Variants in PPL observed in about 807,000 individuals in gnomAD.
PPL encodes the protein periplakin.
In PPL, 198 loss-of-function variants were observed where a neutral mutation model predicts 194.4. That is an observed-to-expected ratio of 1.02 (90% CI 0.91 to 1.15). The LOEUF is 1.15. Ranked by LOEUF, PPL falls within the 50% of genes most tolerant of loss-of-function variation. PPL has a pLI of 0.00. For synonymous variants in PPL, 1,220 were observed against 972.4 expected, an observed-to-expected ratio of 1.25 and a Z score of -4.74; for missense variants, 2,885 against 2,294.8, an observed-to-expected ratio of 1.26 and a Z score of -5.25.
At chr16:4,922,495 C>G (rs956827071) in intron 1 of PPL, among the ~76,000 whole-genome samples, 1 of 152,114 alleles carries the variant, frequency 6.6e-6, no homozygotes, top group African/African-American at 2.4e-5. Flanking sequence ...AACCCTGTCT[C>G]TACTAAAAAT....
rs560290210 is a variant in PPL at position 4,936,961 on chromosome 16, C to A, written c.62+23G>T. 3.2e-6 allele frequency: 5 copies of A among 1,581,446 alleles called. No homozygotes were observed. In the Admixed American group the frequency reaches 8.7e-5, roughly 28 times the overall value. Reference sequence around the variant, plus strand: ...CCACAGGGGCAAGAGCGTCCCGGAGCGGAGCTGTGGGCGCCTCCTCACCTC... The same window carrying A: ...CCACAGGGGCAAGAGCGTCCCGGAGAGGAGCTGTGGGCGCCTCCTCACCTC... On this transcript the variant is annotated intron_variant, in intron 1 of 21. Transcript: ENST00000345988.
At chr16:4,887,068 A>T in intron 21 of PPL, 67 bp downstream of exon 21, 5 of 1,305,752 alleles carry the variant, frequency 3.8e-6, no homozygotes, top group Non-Finnish European at 5.5e-6. Flanking sequence ...CATTTCTCTA[A>T]GACAGAGTCT....
chr16:4,926,902 A>AAAAC (rs2089165719), intron 1 of PPL, among the ~76,000 whole-genome samples: 2 of 139,374 alleles, frequency 1.4e-5, no homozygotes, highest in African/African-American at 2.5e-5. Flanking sequence ...ACAAAAAAAA[A>AAAAC]CCAAAAACAA....
Position 4,916,544 on chromosome 16 carries a change from TG to T in PPL, c.63-5596del, listed in dbSNP as rs561293459. Among the ~76,000 whole-genome samples the T allele has an allele frequency of 1.8e-3, 275 of 152,212 alleles. 1 individual carries two copies. Among genetic ancestry groups the T allele is most frequent in the Non-Finnish European group, 2.5e-3 (173 of 67,986 alleles). ...TTTTTGAGACAGGGTCTCACTCTGT[TG>T]CCCAGGCTGGACTGCAGTGGTGCAA... On this transcript the variant is annotated intron_variant, in intron 1 of 21. Transcript: ENST00000345988.
In PPL at chr16:4,897,759, C is replaced by A; in HGVS notation, c.888G>T (p.Glu296Asp). 1 of 1,613,628 alleles carries A rather than the reference C, an allele frequency of 6.2e-7. No individual in the cohort carries two copies. The change falls in exon 9 of 22, where the codon GAG (glutamate) becomes GAT (aspartate). Residue 296 changes from glutamate (E) to aspartate (D), a missense_variant. Coordinates refer to ENST00000345988, the MANE Select transcript of PPL (RefSeq NM_002705.5). ...PGRNSIEAHM[E>D]AVHADWKEYL... ...ACTCCTTCCAGTCTGCGTGCACAGC[C>A]TCCATGTGCGCCTGCCAGGAAGAGA...
rs1425812249 is a variant in PPL, at chr16:4,902,540, G to A, written c.318-14C>T. 1.9e-6 allele frequency: 3 copies of A among 1,611,020 alleles called. No homozygotes were observed. Among genetic ancestry groups the A allele is most frequent in the African/African-American group, 1.3e-5 (1 of 74,884 alleles). On this transcript the variant is annotated splice_polypyrimidine_tract_variant and intron_variant, in intron 3 of 21. Coordinates refer to ENST00000345988, the MANE Select transcript of PPL (RefSeq NM_002705.5). The surrounding 1 kb of genome is among the most constrained non-coding windows in gnomAD (Gnocchi z 4.0). ...AGCTGGCGGATACTGATGGGAGAGA[G>A]GCTCCCACTTAGTGGGGCTGGTTGG...
chr16:4,905,914 G>C (rs2088672492), intron 2 of PPL, among the ~76,000 whole-genome samples: 1 of 152,160 alleles, frequency 6.6e-6, no homozygotes, highest in Non-Finnish European at 1.5e-5. Context: ...AGACCAGCCT[G>C]GGCAATATAG....
chr16:4,889,158 T>C, intron 18 of PPL, 97 bp from the exon 19 acceptor site: 1 of 973,316 alleles, frequency 1.0e-6, no homozygotes, highest in Non-Finnish European at 1.6e-6. Context: ...TCTGAATTTA[T>C]TCTTCTCTAG....
chr16:4,918,716 A>G (rs2088976825), intron 1 of PPL, among the ~76,000 whole-genome samples: 1 of 152,204 alleles, frequency 6.6e-6, no homozygotes, highest in African/African-American at 2.4e-5. Flanking sequence ...GCACAGTCTC[A>G]GCGTTTTTGC....
At chr16:4,912,135 C>T (rs1288568172) in intron 1 of PPL, among the ~76,000 whole-genome samples, 2 of 152,204 alleles carry the variant, frequency 1.3e-5, no homozygotes, top group Non-Finnish European at 2.9e-5. Context: ...CAGAATCGTG[C>T]AACCATCACC....
chr16:4,893,537 C>A lies in PPL; in HGVS notation c.1492+4G>T. ...AGCCTCAGGCGAGTGGCCCTGGCAC[C>A]CACCTCCGGGATTCTCGGTCTTCAG... On this transcript the variant is annotated splice_donor_region_variant and intron_variant, in intron 13 of 21. Transcript: ENST00000345988. The A allele has an allele frequency of 6.2e-7, 1 of 1,612,182 alleles. No homozygotes were observed. Among genetic ancestry groups the A allele is most frequent in the Non-Finnish European group, 8.5e-7 (1 of 1,179,616 alleles).
intron 2 of PPL, among the ~76,000 whole-genome samples, chr16:4,908,732 G>A (rs2088756626): frequency 1.3e-5 from 2 of 152,114 alleles, no homozygotes; most frequent in Non-Finnish European, 2.9e-5. Context: ...GTAGAGACGA[G>A]GTTTCACCAT....
At position 4,890,332 on chromosome 16, in the gene PPL, G is replaced by T. The variant is rs371962397; in HGVS notation, c.2165C>A (p.Ala722Glu). ...NNLRQQVERR[A>E]QSLQSAKAAY... ...TGCCTTGGCGCTCTGTAGGCTCTGC[G>T]CCCTGTCAAGGCAAAGCGTTCAGGC... Residue 722 changes from alanine (A) to glutamate (E), a missense_variant and splice_region_variant, in exon 18 of 22, where the codon GCG (alanine) becomes GAG (glutamate). Coordinates refer to ENST00000345988, the MANE Select transcript of PPL (RefSeq NM_002705.5). 6.2e-7 allele frequency: 1 copy of T among 1,611,238 alleles called. No individual in the cohort carries two copies. Among genetic ancestry groups the T allele is most frequent in the South Asian group, 1.1e-5 (1 of 90,862 alleles).
rs936159230 is a variant in PPL, at chr16:4,920,200, C to T, written c.63-9251G>A. On this transcript the variant is annotated intron_variant, in intron 1 of 21. Coordinates refer to ENST00000345988, the MANE Select transcript of PPL (RefSeq NM_002705.5). The stretch of plus-strand genomic sequence containing the variant: ...TTGGGAGGCCGAGGCCGGGGAATTG[C>T]TTGAACCTGGGAGGTGGAGGTTGCA... 7.9e-5 allele frequency among the ~76,000 whole-genome samples: 12 copies of T among 151,622 alleles called. No homozygotes were observed. The East Asian group carries it at 2.1e-3, about 27-fold the overall frequency.
intron 1 of PPL, among the ~76,000 whole-genome samples, chr16:4,936,718 C>T (rs544626310): frequency 4.6e-5 from 7 of 152,160 alleles, no homozygotes; most frequent in Non-Finnish European, 8.8e-5. Flanking sequence ...GCCCTAGGCC[C>T]TCAAGGCAAT....
chr16:4,926,058 G>T (rs916627893), intron 1 of PPL, among the ~76,000 whole-genome samples: 3 of 152,184 alleles, frequency 2.0e-5, no homozygotes, highest in African/African-American at 7.2e-5. Context: ...CTTTCAGGCG[G>T]AAGCAACTGC....
chr16:4,920,345 G>GAGAGAAAGAAAGAAAGAAAGAA (rs1427456398), intron 1 of PPL, among the ~76,000 whole-genome samples: 344 of 25,116 alleles, frequency 0.014, 17 homozygotes, highest in Middle Eastern at 0.033. Context: ...GAGAGAGAGA[G>GAGAGAAAGAAAGAAAGAAAGAA]AGAAAGAAAG....
rs1389387482 is a variant in PPL at position 4,901,004 on chromosome 16, A to C, written c.524T>G (p.Val175Gly). Reference sequence around the variant, plus strand: ...GGCCAGGTGGGGCCCGATGGCCTTGACCTCATTGTGGAAGATGTTATGCTC... The same window carrying C: ...GGCCAGGTGGGGCCCGATGGCCTTGCCCTCATTGTGGAAGATGTTATGCTC... ...VEEHNIFHNE[V>G]KAIGPHLAKD... Residue 175 changes from valine (V) to glycine (G), a missense_variant, in exon 5 of 22, where the codon GTC becomes GGC. By Grantham distance (109) the Val-to-Gly change is moderately radical. Coordinates refer to ENST00000345988, the MANE Select transcript of PPL (RefSeq NM_002705.5). The C allele has an allele frequency of 6.2e-7, 1 of 1,614,034 alleles. No individual in the cohort carries two copies. The highest frequency in any genetic ancestry group is 1.7e-5 in the Admixed American group (1 of 60,026).
At chr16:4,912,545 T>C (rs1398215398) in intron 1 of PPL, among the ~76,000 whole-genome samples, 1 of 152,262 alleles carries the variant, frequency 6.6e-6, no homozygotes, top group Non-Finnish European at 1.5e-5. Flanking sequence ...AGCAGTCTTA[T>C]TTTTAATTAC....
Sources: allele counts gnomAD v4.1 joint callset (sites outside exome capture counted in the v4.1 genomes callset), GRCh38; gene constraint gnomAD v4.1.1; non-coding constraint Gnocchi (gnomAD v3.1); transcripts MANE v1.5; gene names NCBI Gene and HGNC (gene_info 2026-07-23, HGNC 2026-07-21).